Variants in ENPP1 observed in about 807,000 individuals in gnomAD.
ENPP1 encodes ectonucleotide pyrophosphatase/phosphodiesterase 1.
In ENPP1, 73 loss-of-function variants were observed where a neutral mutation model predicts 122.8. The ratio of observed to expected loss-of-function variants is 0.59; its 90% confidence interval spans 0.49 to 0.72. ENPP1 has a LOEUF of 0.72. ENPP1 is among the 30% of genes least tolerant of loss of function. The probability of loss-of-function intolerance (pLI) is 0.00; values close to 1 mark genes in which losing one functional copy is unlikely to be tolerated. For synonymous variants in ENPP1, 367 were observed against 391.6 expected (o/e 0.94, Z 0.74); for missense variants, 978 against 1,128.1 (o/e 0.87, Z 1.91).
At chr6:131,858,260 T>C (rs1292971996) in intron 6 of ENPP1, among the ~76,000 whole-genome samples, 1 of 152,224 alleles carries the variant, frequency 6.6e-6, no homozygotes, top group Non-Finnish European at 1.5e-5. Flanking sequence ...ATTTATGGCC[T>C]GGGACCCTGT....
chr6:131,849,937 C>T, intron 2 of ENPP1, 53 bp from the exon 3 acceptor site: 1 of 1,297,784 alleles, frequency 7.7e-7, no homozygotes, highest in Non-Finnish European at 1.1e-6. Context: ...TTGATGTTTA[C>T]TTTGAATTAT....
chr6:131,825,066 A>C (rs77790745), intron 1 of ENPP1, among the ~76,000 whole-genome samples: 7,440 of 152,122 alleles, frequency 0.049, 373 homozygotes, highest in East Asian at 0.25. Context: ...TCTCAAAAAA[A>C]AAACAAACAA....
At chr6:131,851,853 A>C (rs964036426) in intron 4 of ENPP1, among the ~76,000 whole-genome samples, 1 of 152,140 alleles carries the variant, frequency 6.6e-6, no homozygotes. Flanking sequence ...TGATGAGTGG[A>C]TAGAAGGGGA....
At chr6:131,824,671 G>T (rs1290733764) in intron 1 of ENPP1, among the ~76,000 whole-genome samples, 1 of 152,208 alleles carries the variant, frequency 6.6e-6, no homozygotes, top group East Asian at 1.9e-4. Context: ...GGCCAGGCTG[G>T]TCTCAAACTC....
At chr6:131,888,136 A>G (rs968089423) in intron 24 of ENPP1, among the ~76,000 whole-genome samples, 1 of 152,010 alleles carries the variant, frequency 6.6e-6, no homozygotes, top group African/African-American at 2.4e-5. Flanking sequence ...TGCGGGGGTT[A>G]CAGTCATGAG....
chr6:131,851,193 G>A lies in ENPP1; in HGVS notation c.482G>A (p.Arg161Lys). The part of the protein sequence containing the change: ...KFRCGEKRLT[R>K]SLCACSDDCK... ...AGGTGTGGTGAGAAAAGGTTGACCA[G>A]AAGCCTCTGTGCCTGTTCAGATGAC... The change falls in exon 4 of 25, where the codon AGA becomes AAA. Residue 161 changes from arginine to lysine, a missense_variant. Coordinates refer to ENST00000647893, the MANE Select transcript of ENPP1 (RefSeq NM_006208.3). 6.2e-7 allele frequency: 1 copy of A among 1,614,120 alleles called. No individual in the cohort carries two copies. The highest frequency in any genetic ancestry group is 8.5e-7 in the Non-Finnish European group (1 of 1,179,962).
chr6:131,819,088 T>G (rs1023581547), intron 1 of ENPP1, among the ~76,000 whole-genome samples: 4 of 151,956 alleles, frequency 2.6e-5, no homozygotes, highest in African/African-American at 9.7e-5. Context: ...AGGAATGTGG[T>G]TTTTTTTCAT....
intron 13 of ENPP1, among the ~76,000 whole-genome samples, chr6:131,871,441 A>C (rs1782161151): frequency 6.6e-6 from 1 of 152,176 alleles, no homozygotes; most frequent in South Asian, 2.1e-4. Flanking sequence ...AAAATTCTAG[A>C]ACTATCATTG....
chr6:131,865,465 C>T (rs1032011253), intron 11 of ENPP1, among the ~76,000 whole-genome samples: 3 of 152,144 alleles, frequency 2.0e-5, no homozygotes, highest in East Asian at 1.9e-4. Flanking sequence ...ACTAGAGGTA[C>T]GAAACAGCTC....
At chr6:131,832,185 T>C (rs1184179652) in intron 1 of ENPP1, among the ~76,000 whole-genome samples, 2 of 152,020 alleles carry the variant, frequency 1.3e-5, no homozygotes, top group Non-Finnish European at 2.9e-5. Flanking sequence ...TTTTTTTTTT[T>C]CCTTACAGAT....
chr6:131,871,880 C>T (rs1782166436), intron 13 of ENPP1, among the ~76,000 whole-genome samples, 190 bp from the exon 14 acceptor site: 2 of 152,136 alleles, frequency 1.3e-5, no homozygotes, highest in African/African-American at 4.8e-5. Flanking sequence ...TCATGGGTGT[C>T]ATTACAGGGT....
rs150966388 is a variant in ENPP1, at chr6:131,837,355, G to A, written c.241-10421G>A. 3.1e-3 allele frequency among the ~76,000 whole-genome samples: 474 copies of A among 151,750 alleles called. 7 individuals are homozygous for A. The highest frequency in any genetic ancestry group is 0.011 in the African/African-American group (455 of 41,408). ...ATCCTGGCCAACATGGTGAAACCCCGTCTCTACTAAAAATACAAAACTTAG... is the reference window on the plus strand; with the variant it reads ...ATCCTGGCCAACATGGTGAAACCCCATCTCTACTAAAAATACAAAACTTAG... On this transcript the variant is annotated intron_variant, in intron 1 of 24. Coordinates refer to ENST00000647893, the MANE Select transcript of ENPP1 (RefSeq NM_006208.3).
chr6:131,862,137 C>G (rs887821439), intron 9 of ENPP1, among the ~76,000 whole-genome samples: 4 of 152,086 alleles, frequency 2.6e-5, no homozygotes, highest in Admixed American at 2.0e-4. Context: ...TCATTGCACT[C>G]CAGCCTGGGC....
Position 131,890,524 on chromosome 6 carries a change from C to A in ENPP1, c.*13C>A. 1 of 1,603,058 alleles carries A rather than the reference C, an allele frequency of 6.2e-7. No individual in the cohort carries two copies. ...CCAAGAAGACTGATATGTTTTTTATCCCCAAACACCATGAATCTTTTTGAG... is the reference window on the plus strand; with the variant it reads ...CCAAGAAGACTGATATGTTTTTTATACCCAAACACCATGAATCTTTTTGAG... On this transcript the variant is annotated 3_prime_UTR_variant, in exon 25 of 25. Transcript: ENST00000647893.
intron 1 of ENPP1, among the ~76,000 whole-genome samples, chr6:131,846,043 C>T (rs1304724686): frequency 6.6e-6 from 1 of 152,174 alleles, no homozygotes; most frequent in African/African-American, 2.4e-5. Context: ...TGCTGCCTCA[C>T]TTTCCTTACC....
At chr6:131,863,843 G>T (rs906876986) in intron 9 of ENPP1, among the ~76,000 whole-genome samples, 3 of 152,206 alleles carry the variant, frequency 2.0e-5, no homozygotes, top group Middle Eastern at 3.4e-3. Flanking sequence ...TTGAACCCGG[G>T]AGGTGGAGAT....
rs940927926 is a variant in ENPP1 at position 131,879,281 on chromosome 6, T to A, written c.1946-599T>A. 2.0e-5 allele frequency among the ~76,000 whole-genome samples: 3 copies of A among 152,314 alleles called. No individual in the cohort carries two copies. In the East Asian group the frequency reaches 5.8e-4, roughly 29 times the overall value. ...CTTTCAGAATTGAGTAGATCCAAGTTTGAATATGAGCTTAGGTACTATATG... is the reference window on the plus strand; with the variant it reads ...CTTTCAGAATTGAGTAGATCCAAGTATGAATATGAGCTTAGGTACTATATG... On this transcript the variant is annotated intron_variant, in intron 19 of 24. Coordinates refer to ENST00000647893, the MANE Select transcript of ENPP1 (RefSeq NM_006208.3).
chr6:131,877,355 A>C, intron 18 of ENPP1, 194 bp downstream of exon 18: 1 of 633,092 alleles, frequency 1.6e-6, no homozygotes, highest in Non-Finnish European at 2.8e-6. Context: ...TGCATTTTCC[A>C]CTCTATTTTT....
Position 131,868,138 on chromosome 6 carries a change from T to C in ENPP1, c.1273+12T>C. On this transcript the variant is annotated intron_variant, in intron 12 of 24. Transcript: ENST00000647893. ...TATTTCAGATCATGGTAATCTGAAT[T>C]TGCATTATTTACTCTTCAGGATAAA... is the stretch of plus-strand genomic sequence containing the variant. The C allele has an allele frequency of 2.5e-6, 4 of 1,574,256 alleles. No homozygotes were observed. The highest frequency in any genetic ancestry group is 3.5e-6 in the Non-Finnish European group (4 of 1,143,870).
Sources: gnomAD v4.1 joint callset for allele counts (sites outside exome capture counted in the v4.1 genomes callset) on GRCh38, gnomAD v4.1.1 for gene constraint, MANE v1.5 for transcripts, NCBI Gene and HGNC (gene_info 2026-07-23, HGNC 2026-07-21) for gene names.